The following CELF2 variants were observed in gnomAD, a reference collection of about 807,000 sequenced individuals.
CELF2 encodes the protein CUG triplet repeat RNA-binding protein 2.
CELF2 carries 8 observed loss-of-function variants against 62.6 expected under a neutral mutation model. That is an observed-to-expected ratio of 0.13 (90% confidence interval 0.07 to 0.23). The LOEUF is 0.23. Among genes scored for constraint, CELF2 ranks in the 10% least tolerant of loss-of-function variants. CELF2 has a pLI of 1.00. For synonymous variants in CELF2, 258 were observed against 250.0 expected, an observed-to-expected ratio of 1.03 and a Z score of -0.30; for missense variants, 333 against 671.0, an observed-to-expected ratio of 0.50 and a Z score of 5.56.
intron 8 of CELF2, 110 bp from the exon 9 acceptor site, chr10:11,288,308 G>A (rs1032662822): frequency 2.9e-6 from 4 of 1,380,548 alleles, no homozygotes; most frequent in South Asian, 2.8e-5. Context: ...CCTTGCACAG[G>A]GTCGTCTGCT....
At chr10:10,843,279 T>G (rs2058802385) in intron 1 of CELF2, among the ~76,000 whole-genome samples, 1 of 152,012 alleles carries the variant, frequency 6.6e-6, no homozygotes, top group South Asian at 2.1e-4. Context: ...TTTTCTTTGT[T>G]GTTTTTCTGT....
the CELF2 span, among the ~76,000 whole-genome samples, chr10:10,525,440 C>T: frequency 3.9e-5 from 6 of 152,142 alleles, no homozygotes; most frequent in Non-Finnish European, 5.9e-5. Context: ...TCTTCCAATG[C>T]ATCCCAGGGA....
chr10:11,189,110 C>T (rs554287948), intron 2 of CELF2, among the ~76,000 whole-genome samples: 2 of 152,254 alleles, frequency 1.3e-5, no homozygotes, highest in African/African-American at 4.8e-5. Context: ...CTCTCCTAGT[C>T]CTCTACCCAA....
chr10:11,097,419 G>C (rs1024608404), intron 1 of CELF2: 1 of 152,172 alleles, frequency 6.6e-6, no homozygotes, highest in Non-Finnish European at 1.5e-5. Flanking sequence ...TCTGAGTTGG[G>C]AGGATTTAGG....
chr10:10,700,221 G>C, the CELF2 span, among the ~76,000 whole-genome samples: 41 of 152,286 alleles, frequency 2.7e-4, no homozygotes, highest in African/African-American at 9.6e-4. Context: ...CAGAATAAGA[G>C]ACCCAATACA....
chr10:10,812,232 C>A (rs1010934581), intron 1 of CELF2, among the ~76,000 whole-genome samples: 3 of 152,082 alleles, frequency 2.0e-5, no homozygotes, highest in African/African-American at 7.2e-5. Flanking sequence ...TGGTGGCAAA[C>A]GAGAGAATAA....
rs1218562238 is a variant in CELF2, at chr10:11,334,952, T to C, written c.*5899T>C. The C allele has an allele frequency of 6.6e-6, 1 of 152,212 alleles. No homozygotes were observed. The highest frequency in any genetic ancestry group is 1.5e-5 in the Non-Finnish European group (1 of 68,030). The allele number at this position is 152,212 out of a possible 1,614,324, so 9.4% of individuals were successfully genotyped here. On this transcript the variant is annotated 3_prime_UTR_variant, in exon 13 of 13. Transcript: ENST00000633077. ...TAAATTATTTATTTCTACAAGCTAATTGAATCCAGGAGCAGCTTTAATTAT... is the reference window on the plus strand; with the variant it reads ...TAAATTATTTATTTCTACAAGCTAACTGAATCCAGGAGCAGCTTTAATTAT...
intron 3 of CELF2, among the ~76,000 whole-genome samples, chr10:11,240,232 C>A (rs972386655): frequency 6.6e-6 from 1 of 152,174 alleles, no homozygotes; most frequent in Non-Finnish European, 1.5e-5. Flanking sequence ...GATAAATAGA[C>A]CTTGCATAAT....
chr10:10,491,184 A>G, the CELF2 span, among the ~76,000 whole-genome samples: 1 of 152,188 alleles, frequency 6.6e-6, no homozygotes, highest in African/African-American at 2.4e-5. Flanking sequence ...AGCAAAGCAC[A>G]CAAATGAGTC....
rs146240161 is a variant in CELF2, at chr10:10,895,139, G to A, written c.54-24825G>A. ...CTGAAGTCGCACAGCTGATAGATAC[G>A]TTAGAGTACCAAGATTTGAACCCAG... is the stretch of plus-strand genomic sequence containing the variant. On this transcript the variant is annotated intron_variant, in intron 1 of 13. Transcript: ENST00000636488. Among the ~76,000 whole-genome samples, 194 of 152,280 alleles carry A rather than the reference G, an allele frequency of 1.3e-3. 1 individual carries two copies. Among genetic ancestry groups the A allele is most frequent in the Middle Eastern group, 3.4e-3 (1 of 294 alleles).
chr10:10,879,656 C>T (rs1304359167), intron 1 of CELF2, among the ~76,000 whole-genome samples: 2 of 152,176 alleles, frequency 1.3e-5, no homozygotes, highest in African/African-American at 2.4e-5. Context: ...GTTAAGAAAT[C>T]CTTTCTTCGG....
At chr10:10,756,197 T>G in the CELF2 span, among the ~76,000 whole-genome samples, 5 of 152,246 alleles carry the variant, frequency 3.3e-5, no homozygotes, top group African/African-American at 9.6e-5. Context: ...TTTCCATTTC[T>G]ATATATTTTC....
the CELF2 span, among the ~76,000 whole-genome samples, chr10:10,574,792 C>T: frequency 5.4e-4 from 82 of 151,698 alleles, no homozygotes; most frequent in Non-Finnish European, 9.6e-4. Flanking sequence ...TCACTGCAAC[C>T]TCTGCCTCCT....
At chr10:11,262,381 C>G (rs956478016) in intron 5 of CELF2, among the ~76,000 whole-genome samples, 1 of 152,166 alleles carries the variant, frequency 6.6e-6, no homozygotes, top group African/African-American at 2.4e-5. Flanking sequence ...CTCAAAACAA[C>G]AACAACAAGC....
At chr10:11,096,775 C>CT (rs987770554) in intron 1 of CELF2, among the ~76,000 whole-genome samples, 2 of 152,186 alleles carry the variant, frequency 1.3e-5, no homozygotes, top group African/African-American at 4.8e-5. Flanking sequence ...CTGTGTAGCC[C>CT]TGCAGACCTG....
chr10:10,857,841 G>A (rs1365731777), intron 1 of CELF2, among the ~76,000 whole-genome samples: 2 of 151,154 alleles, frequency 1.3e-5, no homozygotes, highest in Non-Finnish European at 2.9e-5. Context: ...AAATACACAA[G>A]CATTTAAAGG....
At chr10:10,479,293 T>C in the CELF2 span, among the ~76,000 whole-genome samples, 9 of 152,028 alleles carry the variant, frequency 5.9e-5, no homozygotes, top group Non-Finnish European at 1.3e-4. Flanking sequence ...CTCAGCCTCC[T>C]GAGTAACTGG....
the CELF2 span, among the ~76,000 whole-genome samples, chr10:10,579,572 C>A: frequency 6.6e-6 from 1 of 152,080 alleles, no homozygotes; most frequent in Non-Finnish European, 1.5e-5. Context: ...TGTATAAATA[C>A]ATATTTGTGG....
At chr10:10,781,584 A>G in the CELF2 span, among the ~76,000 whole-genome samples, 2 of 152,196 alleles carry the variant, frequency 1.3e-5, no homozygotes, top group African/African-American at 4.8e-5. Flanking sequence ...ACAGCACAAG[A>G]AAAACCTGCC....
Sources: gnomAD v4.1 joint callset for allele counts (sites outside exome capture counted in the v4.1 genomes callset) on GRCh38, gnomAD v4.1.1 for gene constraint, MANE v1.5 for transcripts, NCBI Gene and HGNC (gene_info 2026-07-23, HGNC 2026-07-21) for gene names.